RASSF3: variants seen among roughly 807,000 people sequenced by gnomAD.
RASSF3 encodes Ras association domain family member 3, also known as ras association domain-containing protein 3.
RASSF3 carries 19 observed loss-of-function variants against 19.9 expected under a neutral mutation model. The ratio of observed to expected loss-of-function variants is 0.96; its 90% CI spans 0.67 to 1.40. The LOEUF is 1.40. Among genes scored for constraint, RASSF3 ranks in the 40% most tolerant of loss-of-function variants. The pLI is 0.00. For synonymous variants in RASSF3, 110 were observed against 104.2 expected, an observed-to-expected ratio of 1.06 and a Z score of -0.34; for missense variants, 306 against 289.8, an observed-to-expected ratio of 1.06 and a Z score of -0.41.
chr12:64,687,301 C>T (rs1445315595), intron 2 of RASSF3, among the ~76,000 whole-genome samples: 1 of 151,912 alleles, frequency 6.6e-6, no homozygotes, highest in Non-Finnish European at 1.5e-5. Context: ...TGCGCCTGGC[C>T]CCAAATATAC....
downstream of RASSF3, among the ~76,000 whole-genome samples, chr12:64,542,667 A>G (rs1221730382): frequency 6.6e-6 from 1 of 152,236 alleles, no homozygotes; most frequent in Non-Finnish European, 1.5e-5. Context: ...AGGTGGGTGG[A>G]TTGCTTAAGG....
chr12:64,552,151 A>G (rs1488314796), intron 2 of RASSF3, among the ~76,000 whole-genome samples: 4 of 152,142 alleles, frequency 2.6e-5, no homozygotes, highest in Non-Finnish European at 4.4e-5. Context: ...TTTAAAGGAC[A>G]TGGGAAAATT....
intron 3 of RASSF3, among the ~76,000 whole-genome samples, chr12:64,691,253 C>G (rs1173888258): frequency 1.3e-5 from 2 of 152,170 alleles, no homozygotes; most frequent in Admixed American, 1.3e-4. Context: ...AAATAATTTC[C>G]TTCTTAATCA....
At chr12:64,580,002 A>G (rs1251526399) in intron 2 of RASSF3, among the ~76,000 whole-genome samples, 1 of 151,716 alleles carries the variant, frequency 6.6e-6, no homozygotes, top group Non-Finnish European at 1.5e-5. Context: ...TTCAGTAGAG[A>G]TGGGGTTTCA....
chr12:64,631,065 A>G lies in RASSF3; in HGVS notation c.111+20322A>G, dbSNP rs1871152796. On this transcript the variant is annotated intron_variant, in intron 1 of 4. Coordinates refer to ENST00000542104, the MANE Select transcript of RASSF3 (RefSeq NM_178169.4). ...GGATTCGTTGAAGTCATGGGCTTAG[A>G]TGAACTATGTGTGTAAAGCAAAAAA... 2.0e-5 allele frequency among the ~76,000 whole-genome samples: 3 copies of G among 152,152 alleles called. No individual in the cohort carries two copies. In the South Asian group the frequency reaches 6.2e-4, roughly 32 times the overall value.
At chr12:64,601,684 G>A (rs995795771) in intron 2 of RASSF3, among the ~76,000 whole-genome samples, 15 of 151,458 alleles carry the variant, frequency 9.9e-5, no homozygotes, top group Admixed American at 9.9e-4. Flanking sequence ...GTGATGGTGC[G>A]TGCCTGTAGT....
At chr12:64,627,178 C>T (rs1193804292) in intron 1 of RASSF3, among the ~76,000 whole-genome samples, 1 of 152,146 alleles carries the variant, frequency 6.6e-6, no homozygotes, top group East Asian at 1.9e-4. Context: ...CTCTTTTAAT[C>T]TTGTCTGATG....
rs144269371 is a variant in RASSF3 at position 64,673,768 on chromosome 12, A to G, written c.112-11019A>G. On this transcript the variant is annotated intron_variant, in intron 1 of 4. Coordinates refer to ENST00000542104, the MANE Select transcript of RASSF3 (RefSeq NM_178169.4). Reference sequence around the variant, plus strand: ...TTGTGAAATATATCACGTTTCAGAAATGAACGGCATCTTAATTGATTCCCT... The same window carrying G: ...TTGTGAAATATATCACGTTTCAGAAGTGAACGGCATCTTAATTGATTCCCT... Among the ~76,000 whole-genome samples, 575 of 152,162 alleles carry G rather than the reference A, an allele frequency of 3.8e-3. 6 individuals are homozygous for G. The highest frequency in any genetic ancestry group is 0.013 in the African/African-American group (537 of 41,504).
intron 1 of RASSF3, among the ~76,000 whole-genome samples, chr12:64,519,477 G>A (rs1868423707): frequency 6.6e-6 from 1 of 151,978 alleles, no homozygotes; most frequent in African/African-American, 2.4e-5. Context: ...CAGAGGAGAG[G>A]AGGACAGACT....
chr12:64,552,240 C>T (rs1869176785), intron 2 of RASSF3, among the ~76,000 whole-genome samples: 1 of 152,094 alleles, frequency 6.6e-6, no homozygotes, highest in African/African-American at 2.4e-5. Context: ...AAAGCTGAGA[C>T]CTGAGACCCA....
At chr12:64,539,017 G>T (rs1868888754) in intron 1 of RASSF3, among the ~76,000 whole-genome samples, 1 of 152,118 alleles carries the variant, frequency 6.6e-6, no homozygotes, top group African/African-American at 2.4e-5. Flanking sequence ...CTGCACTCCA[G>T]CCTGGGTGAC....
intron 2 of RASSF3, among the ~76,000 whole-genome samples, chr12:64,584,667 G>A (rs1869763343): frequency 6.6e-6 from 1 of 151,976 alleles, no homozygotes; most frequent in African/African-American, 2.4e-5. Context: ...TTCAGCCAAA[G>A]TGTCTAAGAA....
intron 1 of RASSF3, among the ~76,000 whole-genome samples, chr12:64,674,990 C>T (rs2078398): frequency 0.13 from 18,399 of 141,796 alleles, 1,307 homozygotes; most frequent in East Asian, 0.31. Context: ...GTAAGGTTGC[C>T]GCTTCATTTT....
At chr12:64,568,741 A>G (rs193216217) in intron 2 of RASSF3, among the ~76,000 whole-genome samples, 589 of 149,200 alleles carry the variant, frequency 3.9e-3, no homozygotes, top group African/African-American at 0.013. Flanking sequence ...ACAGAGTCTC[A>G]CTCTGTCACC....
At chr12:64,589,729 G>C (rs550133707) in intron 2 of RASSF3, among the ~76,000 whole-genome samples, 1 of 152,042 alleles carries the variant, frequency 6.6e-6, no homozygotes, top group African/African-American at 2.4e-5. Context: ...CTGGCTGGGT[G>C]TGGTAGCTCA....
At chr12:64,542,955 G>C (rs552348767), downstream of RASSF3, among the ~76,000 whole-genome samples, 1 of 152,096 alleles carries the variant, frequency 6.6e-6, no homozygotes, top group African/African-American at 2.4e-5. Flanking sequence ...GGGAACCGGG[G>C]CTGCGCGCCA....
chr12:64,617,287 C>G (rs1870584403), intron 1 of RASSF3, among the ~76,000 whole-genome samples: 1 of 152,122 alleles, frequency 6.6e-6, no homozygotes, highest in East Asian at 1.9e-4. Context: ...TTTAAGAAAA[C>G]TCATCATTTA....
intron 1 of RASSF3, among the ~76,000 whole-genome samples, chr12:64,651,870 C>T (rs1399534705): frequency 6.6e-6 from 1 of 151,984 alleles, no homozygotes; most frequent in African/African-American, 2.4e-5. Context: ...CACCATGTTG[C>T]CCAGGCTGTT....
At chr12:64,573,557 A>G (rs574016742) in intron 2 of RASSF3, among the ~76,000 whole-genome samples, 3 of 152,268 alleles carry the variant, frequency 2.0e-5, no homozygotes, top group Non-Finnish European at 4.4e-5. Context: ...ACCTCCATTT[A>G]TAAATTCATT....
Sources: gnomAD v4.1 joint callset for allele counts (sites outside exome capture counted in the v4.1 genomes callset) on GRCh38, gnomAD v4.1.1 for gene constraint, MANE v1.5 for transcripts, NCBI Gene and HGNC (gene_info 2026-07-23, HGNC 2026-07-21) for gene names.